The following SUCLG2 variants were observed in gnomAD, a reference collection of about 807,000 sequenced individuals.
SUCLG2 encodes the protein succinate--CoA ligase [GDP-forming] subunit beta, mitochondrial.
SUCLG2 carries 42 observed loss-of-function variants against 47.9 expected under a neutral mutation model. The observed-to-expected ratio is 0.88, with a 90% CI of 0.69 to 1.14. SUCLG2 has a LOEUF of 1.14. Ranked by LOEUF, SUCLG2 falls within the 50% of genes most tolerant of loss-of-function variation. The pLI, the probability that SUCLG2 is intolerant of heterozygous loss-of-function variation, is 0.00. For synonymous variants in SUCLG2, 195 were observed against 197.3 expected, an observed-to-expected ratio of 0.99 and a Z score of 0.10; for missense variants, 571 against 525.9, an observed-to-expected ratio of 1.09 and a Z score of -0.84.
At chr3:67,475,813 C>G (rs939355068) in intron 9 of SUCLG2, among the ~76,000 whole-genome samples, 6 of 151,970 alleles carry the variant, frequency 3.9e-5, no homozygotes, top group Non-Finnish European at 8.8e-5. Flanking sequence ...CTCGGCCTCC[C>G]AAAGTGCTGG....
chr3:67,474,857 C>A (rs1704705233), intron 9 of SUCLG2, among the ~76,000 whole-genome samples: 3 of 152,078 alleles, frequency 2.0e-5, no homozygotes, highest in Admixed American at 6.5e-5. Flanking sequence ...ATGGGTTGTG[C>A]CTTCATCTCT....
intron 2 of SUCLG2, among the ~76,000 whole-genome samples, chr3:67,607,060 A>G (rs1700431953): frequency 6.6e-6 from 1 of 152,226 alleles, no homozygotes; most frequent in South Asian, 2.1e-4. Context: ...CTTCTATCCT[A>G]AACTCTCAAC....
intron 2 of SUCLG2, 75 bp from the exon 3 acceptor site, chr3:67,529,261 T>A: frequency 9.1e-7 from 1 of 1,093,990 alleles, no homozygotes. Context: ...AGGAAAGCAA[T>A]AATGGCACAT....
chr3:67,379,433 C>T (rs1345145422), intron 10 of SUCLG2, among the ~76,000 whole-genome samples: 1 of 152,120 alleles, frequency 6.6e-6, no homozygotes, highest in African/African-American at 2.4e-5. Context: ...ATCACGGTTC[C>T]CACTTATTCA....
At chr3:67,639,188 T>C (rs1208741408) in intron 1 of SUCLG2, among the ~76,000 whole-genome samples, 2 of 152,176 alleles carry the variant, frequency 1.3e-5, no homozygotes, top group South Asian at 2.1e-4. Context: ...AAAAAATGTA[T>C]ATGTATCAGT....
chr3:67,544,210 G>T (rs2107180788), intron 2 of SUCLG2, among the ~76,000 whole-genome samples: 1 of 152,222 alleles, frequency 6.6e-6, no homozygotes, highest in Non-Finnish European at 1.5e-5. Flanking sequence ...ATTAGGAAGG[G>T]GAAATGGTGT....
intron 9 of SUCLG2, among the ~76,000 whole-genome samples, chr3:67,426,755 C>T (rs1703310103): frequency 6.6e-6 from 1 of 152,050 alleles, no homozygotes; most frequent in African/African-American, 2.4e-5. Flanking sequence ...TGGTGAAACC[C>T]CATCTCTACA....
intron 4 of SUCLG2, among the ~76,000 whole-genome samples, chr3:67,523,931 G>A (rs1047971920): frequency 6.6e-6 from 1 of 152,176 alleles, no homozygotes; most frequent in African/African-American, 2.4e-5. Context: ...TGACAGACGT[G>A]CTCTGTATTC....
chr3:67,367,868 C>T (rs1030748043), intron 10 of SUCLG2, among the ~76,000 whole-genome samples: 1 of 152,116 alleles, frequency 6.6e-6, no homozygotes, highest in Non-Finnish European at 1.5e-5. Context: ...ATCCAAGTAT[C>T]TAGCTATAAG....
At chr3:67,645,506 C>G (rs1701175080) in intron 1 of SUCLG2, among the ~76,000 whole-genome samples, 1 of 152,162 alleles carries the variant, frequency 6.6e-6, no homozygotes, top group African/African-American at 2.4e-5. Context: ...ACTTCACCAT[C>G]TCAAAATTTA....
Position 67,518,354 on chromosome 3 carries a change from A to G in SUCLG2, c.571-18T>C, listed in dbSNP as rs759703643. On this transcript the variant is annotated intron_variant, in intron 5 of 10. Coordinates refer to ENST00000307227, the MANE Select transcript of SUCLG2 (RefSeq NM_003848.4). The stretch of plus-strand genomic sequence containing the variant: ...ATTTGCTCCTAGTAAAAATAAATCA[A>G]ATAAACAAAATTCAGACAGTCAACT... The G allele has an allele frequency of 1.0e-5, 16 of 1,597,746 alleles. No individual in the cohort carries two copies. In the South Asian group the frequency reaches 1.8e-4, roughly 18 times the overall value.
At chr3:67,642,179 A>G (rs60497893) in intron 1 of SUCLG2, among the ~76,000 whole-genome samples, 12,413 of 152,246 alleles carry the variant, frequency 0.082, 1,722 homozygotes, top group African/African-American at 0.28. Context: ...TGTGGGGGAC[A>G]CAATTCCACC....
At chr3:67,631,607 A>T (rs1461931757) in intron 1 of SUCLG2, among the ~76,000 whole-genome samples, 2 of 152,196 alleles carry the variant, frequency 1.3e-5, no homozygotes, top group Non-Finnish European at 1.5e-5. Context: ...AGCCTAGGCA[A>T]CAGAGTGAGA....
At chr3:67,372,693 G>A (rs1464304999), downstream of SUCLG2, among the ~76,000 whole-genome samples, 2 of 152,168 alleles carry the variant, frequency 1.3e-5, no homozygotes, top group Non-Finnish European at 2.9e-5. Flanking sequence ...AGCTCTCACA[G>A]GGTTTAAAAT....
At chr3:67,510,865 A>T (rs1575744440) in intron 6 of SUCLG2, among the ~76,000 whole-genome samples, 1 of 151,430 alleles carries the variant, frequency 6.6e-6, no homozygotes, top group African/African-American at 2.4e-5. Context: ...CATTTTAAAC[A>T]TCAAAAGGTT....
At chr3:67,567,554 T>C (rs1322755253) in intron 2 of SUCLG2, among the ~76,000 whole-genome samples, 1 of 152,160 alleles carries the variant, frequency 6.6e-6, no homozygotes. Context: ...GCTGGGATTA[T>C]AGGCATAAGC....
chr3:67,433,801 TAAAA>T (rs74541880), intron 9 of SUCLG2, among the ~76,000 whole-genome samples: 8 of 135,084 alleles, frequency 5.9e-5, no homozygotes, highest in African/African-American at 1.9e-4. Flanking sequence ...CGGGATTTAG[TAAAA>T]AAAAAAAAAA....
chr3:67,493,381 T>C (rs770034631), intron 9 of SUCLG2, among the ~76,000 whole-genome samples: 3 of 152,186 alleles, frequency 2.0e-5, no homozygotes, highest in Non-Finnish European at 4.4e-5. Flanking sequence ...CCACATACCT[T>C]TATCTACCCA....
chr3:67,502,834 A>T (rs1705534510), intron 7 of SUCLG2, among the ~76,000 whole-genome samples: 1 of 152,236 alleles, frequency 6.6e-6, no homozygotes, highest in African/African-American at 2.4e-5. Flanking sequence ...TTCCCAAAGG[A>T]AGAATATTAA....
Sources: gnomAD v4.1 joint callset for allele counts (sites outside exome capture counted in the v4.1 genomes callset) on GRCh38, gnomAD v4.1.1 for gene constraint, MANE v1.5 for transcripts, NCBI Gene and HGNC (gene_info 2026-07-23, HGNC 2026-07-21) for gene names.